The following VAPA variants were observed in gnomAD, a reference collection of about 807,000 sequenced individuals.
VAPA encodes VAMP associated protein A.
VAPA carries 6 observed loss-of-function variants against 25.6 expected under a neutral mutation model. The observed-to-expected ratio is 0.23, with a 90% CI of 0.13 to 0.46. The LOEUF (loss-of-function observed/expected upper bound fraction) is 0.46, where lower values mean the gene tolerates loss of function less well. Ranked by LOEUF, VAPA falls within the 20% of genes least tolerant of loss-of-function variation. The pLI, the probability that VAPA is intolerant of heterozygous loss-of-function variation, is 0.99. For synonymous variants in VAPA, 112 were observed against 106.2 expected, an observed-to-expected ratio of 1.05 and a Z score of -0.34; for missense variants, 244 against 302.1, an observed-to-expected ratio of 0.81 and a Z score of 1.43.
intron 1 of VAPA, among the ~76,000 whole-genome samples, chr18:9,916,215 G>A (rs971171967): frequency 6.6e-6 from 1 of 152,190 alleles, no homozygotes; most frequent in Non-Finnish European, 1.5e-5. Context: ...ACAAGCAAAA[G>A]CCCTACACAG....
intron 1 of VAPA, among the ~76,000 whole-genome samples, chr18:9,921,883 C>T (rs530065108): frequency 1.4e-4 from 22 of 152,200 alleles, no homozygotes; most frequent in Admixed American, 7.2e-4. Context: ...ATATGAACCT[C>T]AGTATGCGTT....
In VAPA at chr18:9,957,519, T is replaced by G. The variant is rs2069563551; in HGVS notation, c.*3308T>G. 6.6e-6 allele frequency: 1 copy of G among 152,172 alleles called. No homozygotes were observed. The highest frequency in any genetic ancestry group is 1.5e-5 in the Non-Finnish European group (1 of 68,030). The allele number at this position is 152,172 out of a possible 1,614,324, so 9.4% of individuals were successfully genotyped here. A position where few individuals can be genotyped will look rare whatever the true frequency, so the allele number is the denominator to read the frequency against. ...ACTTTAGAGACATTCAAGTAATAGT[T>G]TTCTTAGAGCTTTGCACATTCCTAT... On this transcript the variant is annotated 3_prime_UTR_variant, in exon 6 of 6. Coordinates refer to ENST00000400000, the MANE Select transcript of VAPA (RefSeq NM_194434.3).
At chr18:9,945,207 G>A in intron 4 of VAPA, 1 of 1,015,722 alleles carries the variant, frequency 9.8e-7, no homozygotes, top group Non-Finnish European at 1.4e-6. Context: ...AAACTACAAA[G>A]CACTTAAAAA....
intron 3 of VAPA, 43 bp from the exon 4 acceptor site, chr18:9,936,943 A>G (rs886814173): frequency 1.6e-5 from 25 of 1,574,336 alleles, no homozygotes; most frequent in East Asian, 9.0e-5. Flanking sequence ...ACTTACCATG[A>G]TCATACCTCC....
chr18:9,916,703 GTACAGTC>G (rs1165347408), intron 1 of VAPA, among the ~76,000 whole-genome samples: 3 of 152,174 alleles, frequency 2.0e-5, no homozygotes, highest in Non-Finnish European at 2.9e-5. Flanking sequence ...CATTTAGAAT[GTACAGTC>G]TACTTGGGCT....
chr18:9,933,730 G>T (rs1356699306), intron 2 of VAPA, among the ~76,000 whole-genome samples: 1 of 152,162 alleles, frequency 6.6e-6, no homozygotes, highest in African/African-American at 2.4e-5. Flanking sequence ...TAGAGGCAGG[G>T]TTTCACCATG....
intron 4 of VAPA, among the ~76,000 whole-genome samples, chr18:9,944,403 G>A (rs1297182909): frequency 6.6e-6 from 1 of 152,156 alleles, no homozygotes; most frequent in Non-Finnish European, 1.5e-5. Flanking sequence ...GAAAGGAAGA[G>A]AACTATGGAC....
rs1169973247 is a variant in VAPA at position 9,914,198 on chromosome 18, C to T, written c.-59C>T. 2.7e-6 allele frequency: 4 copies of T among 1,484,836 alleles called. No individual in the cohort carries two copies. Among genetic ancestry groups the T allele is most frequent in the East Asian group, 2.8e-5 (1 of 35,718 alleles). 92.0% of individuals were successfully genotyped at this position (1,484,836 alleles called of 1,614,324 possible). On this transcript the variant is annotated 5_prime_UTR_variant, in exon 1 of 6. Transcript: ENST00000400000. ...GCCGAGCCGTCGCCGCCGTCGTCCC[C>T]CGCCCCCAGTCAGCAAACCGCCGCC...
intron 1 of VAPA, among the ~76,000 whole-genome samples, chr18:9,917,410 T>C (rs1158410468): frequency 1.2e-4 from 19 of 152,106 alleles, no homozygotes; most frequent in Non-Finnish European, 2.9e-5. Flanking sequence ...CCTGCCTCAG[T>C]CTCCAGAGTA....
intron 4 of VAPA, among the ~76,000 whole-genome samples, chr18:9,939,722 C>T (rs183443132): frequency 6.7e-4 from 102 of 152,076 alleles, no homozygotes; most frequent in African/African-American, 2.2e-3. Flanking sequence ...CTCTGGGGAC[C>T]GTGCTTGGAA....
At chr18:9,952,784 C>G (rs779887314) in intron 5 of VAPA, among the ~76,000 whole-genome samples, 3 of 152,056 alleles carry the variant, frequency 2.0e-5, no homozygotes, top group Non-Finnish European at 4.4e-5. Context: ...TGCCCCAGAC[C>G]TAATGAGTCA....
intron 1 of VAPA, chr18:9,915,008 T>G (rs1599092973): frequency 6.6e-6 from 1 of 151,712 alleles, no homozygotes; most frequent in Non-Finnish European, 1.5e-5. Flanking sequence ...GCCGGGGAGG[T>G]GGAGAGTCCT....
chr18:9,934,124 T>C (rs1466080769), intron 2 of VAPA, among the ~76,000 whole-genome samples: 1 of 152,240 alleles, frequency 6.6e-6, no homozygotes. Flanking sequence ...TTTAGTGTAG[T>C]GTATTTCCAT....
At chr18:9,941,066 G>C (rs1254835212) in intron 4 of VAPA, among the ~76,000 whole-genome samples, 2 of 151,828 alleles carry the variant, frequency 1.3e-5, no homozygotes, top group Non-Finnish European at 2.9e-5. Context: ...TTGCGTATTT[G>C]CCTATTAAAG....
Position 9,954,537 on chromosome 18 carries a change from A to T in VAPA, c.*326A>T, listed in dbSNP as rs2069524829. On this transcript the variant is annotated 3_prime_UTR_variant, in exon 6 of 6. Transcript: ENST00000400000. The stretch of plus-strand genomic sequence containing the variant: ...TTCAAGAATTGTTCAGAGTCTTGTA[A>T]ATGTTATTTTAATAATCCCTTTAAA... 1 of 201,896 alleles carries T rather than the reference A, an allele frequency of 5.0e-6. No homozygotes were observed. Among genetic ancestry groups the T allele is most frequent in the Non-Finnish European group, 9.8e-6 (1 of 101,816 alleles). 12.5% of individuals were successfully genotyped at this position (201,896 alleles called of 1,614,324 possible).
rs971068397 is a variant in VAPA at position 9,914,347 on chromosome 18, G to A, written c.79+12G>A. ...CCTCAAATTCAAAGGTAGGCAGAAC[G>A]GGGACACCCCCGGGTGGGGTGGGGC... On this transcript the variant is annotated intron_variant, in intron 1 of 5. Coordinates refer to ENST00000400000, the MANE Select transcript of VAPA (RefSeq NM_194434.3). 1.3e-6 allele frequency: 2 copies of A among 1,571,146 alleles called. No homozygotes were observed. The highest frequency in any genetic ancestry group is 1.4e-5 in the African/African-American group (1 of 70,436).
In VAPA at chr18:9,955,959, A is replaced by G. The variant is rs980392698; in HGVS notation, c.*1748A>G. The stretch of plus-strand genomic sequence containing the variant: ...AAAAATAGTCTTATATTTTCACCCC[A>G]TAAATGCAGAATCAGTAATTCCTTG... On this transcript the variant is annotated 3_prime_UTR_variant, in exon 6 of 6. Coordinates refer to ENST00000400000, the MANE Select transcript of VAPA (RefSeq NM_194434.3). 5.9e-5 allele frequency: 9 copies of G among 152,204 alleles called. No homozygotes were observed. Among genetic ancestry groups the G allele is most frequent in the African/African-American group, 1.9e-4 (8 of 41,444 alleles). 9.4% of individuals were successfully genotyped at this position (152,204 alleles called of 1,614,324 possible).
At chr18:9,933,604 C>T (rs1439006441) in intron 2 of VAPA, among the ~76,000 whole-genome samples, 1 of 152,126 alleles carries the variant, frequency 6.6e-6, no homozygotes. Flanking sequence ...GTGGTGTGAT[C>T]TCAGGTGACT....
At chr18:9,922,231 A>G (rs891351287) in intron 1 of VAPA, among the ~76,000 whole-genome samples, 3 of 152,044 alleles carry the variant, frequency 2.0e-5, no homozygotes, top group African/African-American at 7.2e-5. Context: ...CAGCCTCCCA[A>G]AGTGCTGGAA....
Sources: allele counts gnomAD v4.1 joint callset (sites outside exome capture counted in the v4.1 genomes callset), GRCh38; gene constraint gnomAD v4.1.1; transcripts MANE v1.5; gene names NCBI Gene and HGNC (gene_info 2026-07-23, HGNC 2026-07-21).